The following MGST2 variants were observed in gnomAD, a reference collection of about 807,000 sequenced individuals.
The protein encoded by MGST2 is glutathione peroxidase MGST2.
A neutral mutation model predicts 16.6 loss-of-function variants in MGST2; 9 were observed. The ratio of observed to expected loss-of-function variants is 0.54; its 90% CI spans 0.33 to 0.95. The LOEUF (loss-of-function observed/expected upper bound fraction) is 0.95, where lower values mean the gene tolerates loss of function less well. Ranked by LOEUF, MGST2 falls within the 40% of genes least tolerant of loss-of-function variation. The probability of loss-of-function intolerance (pLI) is 0.03; values close to 1 mark genes in which losing one functional copy is unlikely to be tolerated. For missense variants in MGST2, 159 were observed against 175.1 expected (o/e 0.91, Z 0.52); for synonymous variants, 79 against 68.0 (o/e 1.16, Z -0.79).
At chr4:139,742,408 C>T (rs1318553393), downstream of MGST2, among the ~76,000 whole-genome samples, 1 of 152,210 alleles carries the variant, frequency 6.6e-6, no homozygotes, top group Non-Finnish European at 1.5e-5. Context: ...CTTGGCCTCC[C>T]AAAGTGCTGG....
intron 5 of MGST2, among the ~76,000 whole-genome samples, chr4:139,726,968 C>T (rs925517353): frequency 2.6e-5 from 4 of 152,196 alleles, no homozygotes; most frequent in Admixed American, 2.0e-4. Context: ...CTGCTCCCTG[C>T]AGCTGCTGAA....
At chr4:139,685,005 A>G (rs945218670) in intron 2 of MGST2, 21 of 152,346 alleles carry the variant, frequency 1.4e-4, no homozygotes, top group Admixed American at 1.4e-3. Context: ...TTTGGCCTCT[A>G]AGGTACCTGG....
intron 2 of MGST2, among the ~76,000 whole-genome samples, chr4:139,690,759 A>C (rs989616309): frequency 2.0e-5 from 3 of 152,194 alleles, no homozygotes; most frequent in Non-Finnish European, 4.4e-5. Context: ...TCCCACCCCC[A>C]AATAACATAA....
chr4:139,728,636 G>A (rs1043979670), intron 5 of MGST2, among the ~76,000 whole-genome samples: 12 of 152,140 alleles, frequency 7.9e-5, no homozygotes, highest in Admixed American at 6.5e-4. Flanking sequence ...CAGTTGCTAC[G>A]GAATGATCCA....
chr4:139,694,991 G>A (rs774326077), intron 2 of MGST2, among the ~76,000 whole-genome samples: 5 of 152,138 alleles, frequency 3.3e-5, no homozygotes, highest in South Asian at 2.1e-4. Context: ...AACTTAATAC[G>A]TAAGAGAATA....
intron 5 of MGST2, chr4:139,730,569 G>A (rs544185652): frequency 6.2e-7 from 1 of 1,601,154 alleles, no homozygotes; most frequent in Non-Finnish European, 8.5e-7. Context: ...GGAAGCCGGG[G>A]CCTGCGGGAC....
intron 1 of MGST2, among the ~76,000 whole-genome samples, chr4:139,674,532 C>A (rs1730868813): frequency 6.6e-6 from 1 of 151,416 alleles, no homozygotes; most frequent in Admixed American, 6.6e-5. Flanking sequence ...GTAATCCCAG[C>A]ACTTTTGGAG....
chr4:139,743,809 C>T (rs1269625517), downstream of MGST2, among the ~76,000 whole-genome samples: 1 of 152,176 alleles, frequency 6.6e-6, no homozygotes, highest in African/African-American at 2.4e-5. Context: ...GTCGACAAGG[C>T]CAATCTTGAT....
chr4:139,719,888 C>T, intron 5 of MGST2: 2 of 1,613,982 alleles, frequency 1.2e-6, no homozygotes, highest in Non-Finnish European at 1.7e-6. Flanking sequence ...TCCCATAAGG[C>T]TCTGCAGCCT....
At chr4:139,744,211 TA>T (rs1729253409), downstream of MGST2, among the ~76,000 whole-genome samples, 1 of 152,222 alleles carries the variant, frequency 6.6e-6, no homozygotes, top group African/African-American at 2.4e-5. Context: ...GCTGACCTAA[TA>T]GAGGTTCAGG....
intron 5 of MGST2, chr4:139,730,949 G>T (rs1490366636): frequency 6.8e-6 from 3 of 442,992 alleles, no homozygotes; most frequent in Non-Finnish European, 8.2e-6. Flanking sequence ...ATATAGACTG[G>T]ATTTTCAACT....
chr4:139,679,545 T>A (rs1731131558), intron 2 of MGST2, among the ~76,000 whole-genome samples: 1 of 152,218 alleles, frequency 6.6e-6, no homozygotes, highest in Non-Finnish European at 1.5e-5. Context: ...TGGTGGGAAA[T>A]TTTTAAATTA....
downstream of MGST2, chr4:139,740,810 G>A (rs1293622115): frequency 6.6e-6 from 1 of 152,564 alleles, no homozygotes; most frequent in East Asian, 1.9e-4. Context: ...GGGAAGGCGA[G>A]GGCACTTCCC....
At chr4:139,686,389 T>C (rs1370144859) in intron 2 of MGST2, among the ~76,000 whole-genome samples, 2 of 152,330 alleles carry the variant, frequency 1.3e-5, no homozygotes, top group East Asian at 3.9e-4. Flanking sequence ...TCTGTGTTGC[T>C]GTGAATGCTG....
chr4:139,691,899 A>T (rs1004292745), intron 2 of MGST2, among the ~76,000 whole-genome samples: 3 of 151,952 alleles, frequency 2.0e-5, no homozygotes, highest in Non-Finnish European at 4.4e-5. Context: ...ACGGGGTTTC[A>T]CCGTGTTAGC....
intron 3 of MGST2, among the ~76,000 whole-genome samples, chr4:139,702,212 G>T (rs766672191): frequency 7.9e-5 from 12 of 152,058 alleles, no homozygotes; most frequent in Non-Finnish European, 1.6e-4. Context: ...GATAAATTTT[G>T]TATGTAATAA....
chr4:139,738,812 T>C (rs994574584), intron 5 of MGST2, among the ~76,000 whole-genome samples: 1 of 152,198 alleles, frequency 6.6e-6, no homozygotes, highest in African/African-American at 2.4e-5. Context: ...TGTTAATATT[T>C]TGATGTGTTT....
intron 5 of MGST2, among the ~76,000 whole-genome samples, chr4:139,724,603 G>A (rs1489964172): frequency 1.3e-5 from 2 of 152,076 alleles, no homozygotes; most frequent in Non-Finnish European, 2.9e-5. Flanking sequence ...AAAGGAATAG[G>A]TAACTTTTGA....
Position 139,666,117 on chromosome 4 carries a change from C to CGCGCGTGCGT in MGST2, c.58+41_58+42insCGCGTGCGTG. 3 of 1,025,218 alleles carry CGCGCGTGCGT rather than the reference C, an allele frequency of 2.9e-6. No homozygotes were observed. In the South Asian group the frequency reaches 7.2e-5, roughly 25 times the overall value. The allele number at this position is 1,025,218 out of a possible 1,614,324, so 63.5% of individuals were successfully genotyped here. A position where few individuals can be genotyped will look rare whatever the true frequency, so the allele number is the denominator to read the frequency against. On this transcript the variant is annotated intron_variant, in intron 1 of 4. Transcript: ENST00000265498. ...AAGTTCGTGTGTGTGCGCGTGTGTG[C>CGCGCGTGCGT]GTGTGTGTGTGTGTGTGACAAGGCT... is the stretch of plus-strand genomic sequence containing the variant.
Sources: gnomAD v4.1 joint callset for allele counts (sites outside exome capture counted in the v4.1 genomes callset) on GRCh38, gnomAD v4.1.1 for gene constraint, MANE v1.5 for transcripts, NCBI Gene and HGNC (gene_info 2026-07-23, HGNC 2026-07-21) for gene names.